HPSE2: variants seen among roughly 807,000 people sequenced by gnomAD.
HPSE2 encodes the protein inactive heparanase-2.
In HPSE2, 38 loss-of-function variants were observed where a neutral mutation model predicts 60.5. That is an observed-to-expected ratio of 0.63 (90% confidence interval 0.48 to 0.82). The LOEUF is 0.82. Among genes scored for constraint, HPSE2 ranks in the 40% least tolerant of loss-of-function variants. The pLI is 0.00. For synonymous variants in HPSE2, 295 were observed against 293.2 expected (o/e 1.01, Z -0.06); for missense variants, 713 against 740.4 (o/e 0.96, Z 0.43).
chr10:98,905,423 T>C (rs1953787822), intron 3 of HPSE2, among the ~76,000 whole-genome samples: 1 of 151,510 alleles, frequency 6.6e-6, no homozygotes, highest in Non-Finnish European at 1.5e-5. Flanking sequence ...GTACTTCTAA[T>C]TGGAGCACAG....
chr10:98,886,808 A>G (rs1008316538), intron 3 of HPSE2, among the ~76,000 whole-genome samples: 1 of 152,172 alleles, frequency 6.6e-6, no homozygotes, highest in African/African-American at 2.4e-5. Context: ...GAGCTCTAGG[A>G]GAGCTTCCTC....
intron 3 of HPSE2, among the ~76,000 whole-genome samples, chr10:98,760,189 T>C (rs1949974307): frequency 6.6e-6 from 1 of 152,128 alleles, no homozygotes; most frequent in Admixed American, 6.6e-5. Context: ...GTGAAGTATT[T>C]AGGGTTTTCC....
intron 3 of HPSE2, among the ~76,000 whole-genome samples, chr10:99,015,561 C>T (rs961504629): frequency 4.2e-4 from 63 of 151,658 alleles, no homozygotes; most frequent in Non-Finnish European, 7.6e-4. Flanking sequence ...AGCAAACTAT[C>T]ACAAGGACAA....
intron 2 of HPSE2, among the ~76,000 whole-genome samples, chr10:99,201,970 C>A (rs936513077): frequency 2.6e-5 from 4 of 152,136 alleles, no homozygotes; most frequent in African/African-American, 9.7e-5. Flanking sequence ...ATGCTCACTT[C>A]CATACTCTAA....
chr10:98,888,404 A>C (rs1388037765), intron 3 of HPSE2, among the ~76,000 whole-genome samples: 1 of 152,170 alleles, frequency 6.6e-6, no homozygotes, highest in Non-Finnish European at 1.5e-5. Flanking sequence ...AAAACATAAT[A>C]ATTATAATTG....
chr10:99,268,847 A>G, the HPSE2 span, among the ~76,000 whole-genome samples: 3 of 152,064 alleles, frequency 2.0e-5, no homozygotes, highest in East Asian at 5.8e-4. Context: ...AAAGATAAAG[A>G]ATGGCAGAAT....
chr10:98,473,391 A>G (rs1468170181), intron 11 of HPSE2, among the ~76,000 whole-genome samples: 1 of 150,214 alleles, frequency 6.7e-6, no homozygotes. Flanking sequence ...AGGCTGAGGC[A>G]GGAGAATCCC....
intron 3 of HPSE2, among the ~76,000 whole-genome samples, chr10:99,050,993 T>G (rs953269756): frequency 6.6e-6 from 1 of 152,088 alleles, no homozygotes; most frequent in African/African-American, 2.4e-5. Context: ...TATCATACCA[T>G]CATTTTGTAC....
chr10:98,964,720 A>G (rs1462089108), intron 3 of HPSE2, among the ~76,000 whole-genome samples: 1 of 152,190 alleles, frequency 6.6e-6, no homozygotes, highest in Non-Finnish European at 1.5e-5. Context: ...TCAACTATTA[A>G]ATAAATCTGT....
chr10:99,037,300 A>G (rs1460210785), intron 3 of HPSE2, among the ~76,000 whole-genome samples: 1 of 152,094 alleles, frequency 6.6e-6, no homozygotes, highest in Non-Finnish European at 1.5e-5. Context: ...AAGCTGGGGA[A>G]ATCTGAATAA....
intron 9 of HPSE2, among the ~76,000 whole-genome samples, chr10:98,571,566 G>A (rs1944494096): frequency 6.6e-6 from 1 of 152,162 alleles, no homozygotes; most frequent in Admixed American, 6.5e-5. Flanking sequence ...GAACAAAGAG[G>A]AAGTAACTAA....
chr10:99,305,961 A>ATACGCGTGTG, the HPSE2 span, among the ~76,000 whole-genome samples: 1 of 103,062 alleles, frequency 9.7e-6, no homozygotes, highest in African/African-American at 4.4e-5. Context: ...ACTCACACAC[A>ATACGCGTGTG]CGCGCGCGCG....
At chr10:98,500,626 A>C (rs938645583) in intron 9 of HPSE2, among the ~76,000 whole-genome samples, 4 of 152,206 alleles carry the variant, frequency 2.6e-5, no homozygotes, top group African/African-American at 9.6e-5. Flanking sequence ...CTAGAGAAGC[A>C]AGAACAAACC....
At chr10:98,974,003 T>C (rs1244870326) in intron 3 of HPSE2, among the ~76,000 whole-genome samples, 1 of 152,066 alleles carries the variant, frequency 6.6e-6, no homozygotes, top group African/African-American at 2.4e-5. Flanking sequence ...AATAGAATGA[T>C]TTGTAGGCTG....
intron 2 of HPSE2, among the ~76,000 whole-genome samples, chr10:99,145,583 C>A (rs2135782996): frequency 7.0e-6 from 1 of 141,936 alleles, no homozygotes; most frequent in East Asian, 2.2e-4. Context: ...ACAAATGATA[C>A]CATCAGCAGT....
intron 2 of HPSE2, among the ~76,000 whole-genome samples, chr10:99,145,320 G>A (rs1846010940): frequency 6.6e-6 from 1 of 152,018 alleles, no homozygotes; most frequent in Non-Finnish European, 1.5e-5. Context: ...AGTCGGGTGT[G>A]GTGGCACACA....
chr10:99,110,302 G>C (rs1345200919), intron 3 of HPSE2, among the ~76,000 whole-genome samples: 1 of 152,186 alleles, frequency 6.6e-6, no homozygotes, highest in Non-Finnish European at 1.5e-5. Context: ...CCTCTCTTAA[G>C]AGAGTGGTGC....
intron 5 of HPSE2, among the ~76,000 whole-genome samples, chr10:98,698,359 T>C (rs932020952): frequency 1.3e-5 from 2 of 151,372 alleles, no homozygotes; most frequent in African/African-American, 4.9e-5. Context: ...CTCAATTACA[T>C]GGAAACTGAA....
chr10:98,736,802 T>C (rs1206764369), intron 4 of HPSE2, among the ~76,000 whole-genome samples: 1 of 152,216 alleles, frequency 6.6e-6, no homozygotes, highest in Non-Finnish European at 1.5e-5. Flanking sequence ...CTCTGTGTCA[T>C]AGTATGTTAT....
Sources: allele counts gnomAD v4.1 joint callset (sites outside exome capture counted in the v4.1 genomes callset), GRCh38; gene constraint gnomAD v4.1.1; transcripts MANE v1.5; gene names NCBI Gene and HGNC (gene_info 2026-07-23, HGNC 2026-07-21).